The following GPHN variants were observed in gnomAD, a reference collection of about 807,000 sequenced individuals.
GPHN encodes the protein gephyrin.
GPHN carries 17 observed loss-of-function variants against 95.5 expected under a neutral mutation model. The observed-to-expected ratio is 0.18, with a 90% CI of 0.12 to 0.27. The LOEUF (loss-of-function observed/expected upper bound fraction) is 0.27, where lower values mean the gene tolerates loss of function less well. GPHN is among the 10% of genes least tolerant of loss of function. The pLI, the probability that GPHN is intolerant of heterozygous loss-of-function variation, is 1.00. For missense variants in GPHN, 660 were observed against 978.1 expected (o/e 0.67, Z 4.34); for synonymous variants, 320 against 322.5 (o/e 0.99, Z 0.08).
chr14:66,940,463 G>T (rs1481889917), intron 8 of GPHN, among the ~76,000 whole-genome samples: 1 of 152,150 alleles, frequency 6.6e-6, no homozygotes, highest in Non-Finnish European at 1.5e-5. Flanking sequence ...GACTGCAACA[G>T]GGTGCCACCC....
At chr14:66,863,370 A>G (rs2063107014) in intron 4 of GPHN, among the ~76,000 whole-genome samples, 1 of 152,150 alleles carries the variant, frequency 6.6e-6, no homozygotes, top group Non-Finnish European at 1.5e-5. Flanking sequence ...GGAAAAATTA[A>G]TATTGTTAAA....
At chr14:67,149,344 C>CA (rs1357512937) in intron 18 of GPHN, among the ~76,000 whole-genome samples, 2 of 152,124 alleles carry the variant, frequency 1.3e-5, no homozygotes, top group East Asian at 1.9e-4. Flanking sequence ...GACTCTGTCT[C>CA]AAAAAAGAAG....
chr14:67,163,485 T>TA (rs1236492379), intron 19 of GPHN, among the ~76,000 whole-genome samples: 1 of 151,528 alleles, frequency 6.6e-6, no homozygotes, highest in Non-Finnish European at 1.5e-5. Flanking sequence ...TGGGAAGGAA[T>TA]AAAAAAACAG....
the GPHN span, among the ~76,000 whole-genome samples, chr14:67,372,052 C>T: frequency 6.6e-6 from 1 of 151,954 alleles, no homozygotes; most frequent in South Asian, 2.1e-4. Flanking sequence ...ATCACTTGAG[C>T]CCAGGAGTTC....
rs199759192 is a variant in GPHN at position 66,776,454 on chromosome 14, C to T, written c.144-10C>T. 1.2e-4 allele frequency: 176 copies of T among 1,496,866 alleles called. No homozygotes were observed. The highest frequency in any genetic ancestry group is 1.7e-4 in the Middle Eastern group (1 of 5,888). 92.7% of individuals were successfully genotyped at this position (1,496,866 alleles called of 1,614,324 possible). On this transcript the variant is annotated splice_polypyrimidine_tract_variant and intron_variant, in intron 2 of 22. Coordinates refer to ENST00000478722, the MANE Select transcript of GPHN (RefSeq NM_020806.5). ...CTGGTTTTGAGAATATTTTCTTCTC[C>T]TAATTTCAGGTTGGGTGGGACTATA...
chr14:66,571,008 A>T (rs964319268), intron 1 of GPHN, among the ~76,000 whole-genome samples: 5 of 152,086 alleles, frequency 3.3e-5, no homozygotes, highest in Admixed American at 6.5e-5. Flanking sequence ...TATTCTGGAT[A>T]TTAAGCTCAT....
At chr14:66,745,651 A>T (rs959177775) in intron 2 of GPHN, among the ~76,000 whole-genome samples, 17 of 152,040 alleles carry the variant, frequency 1.1e-4, no homozygotes, top group Admixed American at 4.6e-4. Flanking sequence ...TTATGAAAAA[A>T]ATGTAAATTT....
the GPHN span, among the ~76,000 whole-genome samples, chr14:67,546,331 G>T: frequency 1.3e-5 from 2 of 152,152 alleles, no homozygotes; most frequent in African/African-American, 4.8e-5. Context: ...TGGATATATG[G>T]TTTTTTGGGA....
intron 1 of GPHN, among the ~76,000 whole-genome samples, chr14:66,652,208 G>T (rs191299186): frequency 5.1e-4 from 77 of 152,146 alleles, no homozygotes; most frequent in African/African-American, 1.6e-3. Context: ...AAACATTGTG[G>T]TTACCAGGGA....
chr14:67,087,477 T>C (rs74479583), intron 11 of GPHN, among the ~76,000 whole-genome samples: 10,120 of 152,204 alleles, frequency 0.066, 355 homozygotes, highest in Middle Eastern at 0.085. Flanking sequence ...CCCACCACTT[T>C]GCTTGTCTGA....
At chr14:67,589,381 T>C in the GPHN span, 2 of 984,580 alleles carry the variant, frequency 2.0e-6, no homozygotes, top group Non-Finnish European at 2.4e-6. Context: ...CCAATTTCTG[T>C]CTGGCCTTTT....
intron 2 of GPHN, among the ~76,000 whole-genome samples, chr14:66,748,594 A>G (rs941729226): frequency 1.3e-5 from 2 of 151,960 alleles, no homozygotes; most frequent in East Asian, 1.9e-4. Flanking sequence ...GGTGTGGACA[A>G]ATGTATTATG....
At chr14:67,596,372 C>T in the GPHN span, among the ~76,000 whole-genome samples, 2 of 145,492 alleles carry the variant, frequency 1.4e-5, no homozygotes, top group Admixed American at 7.0e-5. Flanking sequence ...AACTCCTGAC[C>T]TCAGGCAATC....
At chr14:67,053,535 C>T (rs1388705940) in intron 10 of GPHN, among the ~76,000 whole-genome samples, 1 of 152,126 alleles carries the variant, frequency 6.6e-6, no homozygotes, top group Non-Finnish European at 1.5e-5. Context: ...ACGAGAGGTA[C>T]AAAGAGGAGC....
chr14:67,461,718 C>T, the GPHN span, among the ~76,000 whole-genome samples: 1 of 152,136 alleles, frequency 6.6e-6, no homozygotes, highest in African/African-American at 2.4e-5. Context: ...GCTCAGGGCA[C>T]ATGCAAAGGC....
At chr14:67,006,298 G>GAC (rs2072604674) in intron 9 of GPHN, among the ~76,000 whole-genome samples, 1 of 151,948 alleles carries the variant, frequency 6.6e-6, no homozygotes, top group Admixed American at 6.6e-5. Context: ...TCCTATTTCT[G>GAC]TCTGCCTCAG....
chr14:67,083,462 C>T (rs1462116570), intron 11 of GPHN, among the ~76,000 whole-genome samples: 3 of 152,070 alleles, frequency 2.0e-5, no homozygotes, highest in Non-Finnish European at 4.4e-5. Context: ...CCTGAGGCCT[C>T]CCCAGAAGAA....
chr14:66,617,502 C>G (rs2063100507), intron 1 of GPHN, among the ~76,000 whole-genome samples: 1 of 152,226 alleles, frequency 6.6e-6, no homozygotes, highest in African/African-American at 2.4e-5. Flanking sequence ...CCATACCACA[C>G]TGTTCTTCCT....
intron 1 of GPHN, among the ~76,000 whole-genome samples, chr14:66,572,684 C>T (rs1315658824): frequency 6.6e-6 from 1 of 151,764 alleles, no homozygotes; most frequent in Non-Finnish European, 1.5e-5. Flanking sequence ...GTTTTCTATA[C>T]ATAAGATGCT....
Sources: gnomAD v4.1 joint callset for allele counts (sites outside exome capture counted in the v4.1 genomes callset) on GRCh38, gnomAD v4.1.1 for gene constraint, MANE v1.5 for transcripts, NCBI Gene and HGNC (gene_info 2026-07-23, HGNC 2026-07-21) for gene names.